Variants in PCSK2 observed in about 807,000 individuals in gnomAD.
The protein encoded by PCSK2 is proprotein convertase subtilisin/kexin type 2, also known as neuroendocrine convertase 2.
In PCSK2, 14 loss-of-function variants were observed where a neutral mutation model predicts 69.7. That is an observed-to-expected ratio of 0.20 (90% CI 0.13 to 0.31). The LOEUF is 0.31. Among genes scored for constraint, PCSK2 ranks in the 10% least tolerant of loss-of-function variants. The pLI, the probability that PCSK2 is intolerant of heterozygous loss-of-function variation, is 1.00. For synonymous variants in PCSK2, 307 were observed against 320.7 expected (o/e 0.96, Z 0.46); for missense variants, 544 against 842.5 (o/e 0.65, Z 4.39).
intron 5 of PCSK2, among the ~76,000 whole-genome samples, chr20:17,405,951 A>T (rs2031741676): frequency 6.6e-6 from 1 of 152,206 alleles, no homozygotes; most frequent in Admixed American, 6.5e-5. Context: ...ACTCTGAATC[A>T]TCTCGATCCT....
intron 5 of PCSK2, among the ~76,000 whole-genome samples, chr20:17,395,227 C>T (rs1600545539): frequency 6.6e-6 from 1 of 152,132 alleles, no homozygotes; most frequent in East Asian, 1.9e-4. Context: ...AACAAATAAG[C>T]GAGAAGATTA....
chr20:17,333,917 A>C (rs1269632850), intron 2 of PCSK2, among the ~76,000 whole-genome samples: 1 of 82,162 alleles, frequency 1.2e-5, no homozygotes, highest in African/African-American at 3.5e-5. Flanking sequence ...CTGCATATAT[A>C]TATATATATA....
chr20:17,309,076 T>C (rs1989421745), intron 2 of PCSK2, among the ~76,000 whole-genome samples: 1 of 151,990 alleles, frequency 6.6e-6, no homozygotes, highest in Admixed American at 6.6e-5. Flanking sequence ...AGCAGTGGAG[T>C]ATTGTGGCCA....
At chr20:17,365,006 C>G (rs368105675) in intron 4 of PCSK2, among the ~76,000 whole-genome samples, 22 of 152,154 alleles carry the variant, frequency 1.4e-4, no homozygotes, top group African/African-American at 4.8e-4. Context: ...CTATCCTGCC[C>G]CAACAGGACT....
At chr20:17,347,339 T>C (rs905059304) in intron 2 of PCSK2, among the ~76,000 whole-genome samples, 2 of 152,234 alleles carry the variant, frequency 1.3e-5, no homozygotes, top group Non-Finnish European at 2.9e-5. Flanking sequence ...CGCAGACCTC[T>C]CTCCTCTCCA....
intron 2 of PCSK2, among the ~76,000 whole-genome samples, chr20:17,342,989 C>T (rs929213617): frequency 6.6e-6 from 1 of 152,058 alleles, no homozygotes; most frequent in Non-Finnish European, 1.5e-5. Context: ...AGCGAGGTTC[C>T]TGCTATAATT....
chr20:17,264,272 G>A lies in PCSK2; in HGVS notation c.282+3928G>A, dbSNP rs565505549. 2.6e-5 allele frequency among the ~76,000 whole-genome samples: 4 copies of A among 152,266 alleles called. No individual in the cohort carries two copies. The East Asian group carries it at 7.7e-4, about 29-fold the overall frequency. On this transcript the variant is annotated intron_variant, in intron 2 of 11. Transcript: ENST00000262545. ...AACCTGAACTTCATTTCTTGAGAGA[G>A]GTTATATTTGAGAATTAAAAACATT...
At chr20:17,436,275 G>T (rs2032482710) in intron 7 of PCSK2, among the ~76,000 whole-genome samples, 1 of 151,974 alleles carries the variant, frequency 6.6e-6, no homozygotes, top group Admixed American at 6.6e-5. Flanking sequence ...CCCTCTGCCT[G>T]CTGGAATTTC....
chr20:17,260,018 G>T (rs1987317210), intron 1 of PCSK2, among the ~76,000 whole-genome samples: 1 of 152,078 alleles, frequency 6.6e-6, no homozygotes, highest in Admixed American at 6.6e-5. Flanking sequence ...GGTATTTGGG[G>T]AGCAGGAGGA....
intron 2 of PCSK2, among the ~76,000 whole-genome samples, chr20:17,298,485 C>T (rs1447038716): frequency 6.6e-6 from 1 of 152,170 alleles, no homozygotes; most frequent in Middle Eastern, 3.2e-3. Context: ...ATGCACAGGA[C>T]AGAGTCCACA....
chr20:17,450,863 G>A (rs2032808804), intron 8 of PCSK2, among the ~76,000 whole-genome samples: 1 of 152,110 alleles, frequency 6.6e-6, no homozygotes, highest in Admixed American at 6.5e-5. Context: ...TTGTGTCTCA[G>A]GTTCTAATAT....
chr20:17,253,971 T>C (rs1040806787), intron 1 of PCSK2, among the ~76,000 whole-genome samples: 7 of 152,246 alleles, frequency 4.6e-5, no homozygotes, highest in Admixed American at 2.0e-4. Context: ...TGTCTAATAA[T>C]GTTGAACATC....
In PCSK2 at chr20:17,254,964, T is replaced by A. The variant is rs528622795; in HGVS notation, c.178-5276T>A. 4.3e-4 allele frequency among the ~76,000 whole-genome samples: 65 copies of A among 152,336 alleles called. No homozygotes were observed. In the South Asian group the frequency reaches 0.012, roughly 28 times the overall value. ...TGACTTATATTCTTAACTTTATGCT[T>A]GGATTGTTCATTGCTTGTGTATAGA... On this transcript the variant is annotated intron_variant, in intron 1 of 11. Transcript: ENST00000262545.
chr20:17,414,058 T>A (rs770145156), intron 6 of PCSK2, among the ~76,000 whole-genome samples: 3 of 152,164 alleles, frequency 2.0e-5, no homozygotes, highest in Admixed American at 6.5e-5. Context: ...TTTATAGCAC[T>A]AAATGCCCAC....
At chr20:17,375,168 G>A (rs1408981954) in intron 5 of PCSK2, among the ~76,000 whole-genome samples, 2 of 152,168 alleles carry the variant, frequency 1.3e-5, no homozygotes, top group Non-Finnish European at 2.9e-5. Flanking sequence ...CAGAAGAGTT[G>A]AGGTTACAAC....
At chr20:17,259,167 A>C (rs1356899852) in intron 1 of PCSK2, among the ~76,000 whole-genome samples, 1 of 152,128 alleles carries the variant, frequency 6.6e-6, no homozygotes, top group African/African-American at 2.4e-5. Context: ...GGCAACACAC[A>C]CACCAAAACT....
chr20:17,284,082 C>G (rs1431094549), intron 2 of PCSK2, among the ~76,000 whole-genome samples: 1 of 152,216 alleles, frequency 6.6e-6, no homozygotes. Flanking sequence ...ACTCCACCCC[C>G]ACCATTGCCA....
chr20:17,396,266 GA>G (rs1373214474), intron 5 of PCSK2, among the ~76,000 whole-genome samples: 3 of 152,172 alleles, frequency 2.0e-5, no homozygotes, highest in Non-Finnish European at 4.4e-5. Context: ...GGAACTCCAA[GA>G]ATCAGGCTTC....
chr20:17,255,870 T>C (rs1466942356), intron 1 of PCSK2, among the ~76,000 whole-genome samples: 1 of 152,214 alleles, frequency 6.6e-6, no homozygotes, highest in African/African-American at 2.4e-5. Flanking sequence ...GCTACTATTT[T>C]GATGAGCATT....
Sources: gnomAD v4.1 joint callset for allele counts (sites outside exome capture counted in the v4.1 genomes callset) on GRCh38, gnomAD v4.1.1 for gene constraint, MANE v1.5 for transcripts, NCBI Gene and HGNC (gene_info 2026-07-23, HGNC 2026-07-21) for gene names.